Variants in TBC1D32 observed in about 807,000 individuals in gnomAD.
The protein encoded by TBC1D32 is protein broad-minded.
A neutral mutation model predicts 170.3 loss-of-function variants in TBC1D32; 151 were observed. That is an observed-to-expected ratio of 0.89 (90% CI 0.78 to 1.01). The LOEUF (loss-of-function observed/expected upper bound fraction) is 1.01, where lower values mean the gene tolerates loss of function less well. Ranked by LOEUF, TBC1D32 falls within the 50% of genes least tolerant of loss-of-function variation. TBC1D32 has a pLI of 0.00. For missense variants in TBC1D32, 1,464 were observed against 1,457.1 expected (o/e 1.00, Z -0.08); for synonymous variants, 498 against 488.0 (o/e 1.02, Z -0.27).
At chr6:121,170,250 G>A (rs989593516) in intron 22 of TBC1D32, among the ~76,000 whole-genome samples, 3 of 151,868 alleles carry the variant, frequency 2.0e-5, no homozygotes, top group Admixed American at 2.0e-4. Flanking sequence ...ATCTTTCTGT[G>A]ACATTTACAC....
intron 30 of TBC1D32, among the ~76,000 whole-genome samples, chr6:121,098,372 A>C (rs1470774213): frequency 1.3e-5 from 2 of 151,948 alleles, no homozygotes; most frequent in Non-Finnish European, 2.9e-5. Flanking sequence ...ATCATAGAAG[A>C]AGTACCAGTA....
At chr6:121,117,562 C>T (rs1216865388) in intron 26 of TBC1D32, among the ~76,000 whole-genome samples, 1 of 151,856 alleles carries the variant, frequency 6.6e-6, no homozygotes, top group Non-Finnish European at 1.5e-5. Flanking sequence ...ATTAGCCAGG[C>T]GTGGTGGCAC....
chr6:121,152,636 C>G (rs1200249374), intron 24 of TBC1D32, among the ~76,000 whole-genome samples: 1 of 152,140 alleles, frequency 6.6e-6, no homozygotes, highest in African/African-American at 2.4e-5. Flanking sequence ...TTCAGGTACA[C>G]CAATCAAATG....
chr6:121,129,851 G>A, intron 25 of TBC1D32: 1 of 426,888 alleles, frequency 2.3e-6, no homozygotes, highest in South Asian at 1.7e-5. Flanking sequence ...AAAAGAGAAA[G>A]CAACAGGAAG....
intron 22 of TBC1D32, among the ~76,000 whole-genome samples, chr6:121,183,447 C>A (rs1174510187): frequency 6.6e-6 from 1 of 152,076 alleles, no homozygotes; most frequent in Non-Finnish European, 1.5e-5. Flanking sequence ...TATCTAGACT[C>A]TTCTGGTAAG....
chr6:121,125,320 G>T (rs1470063338), intron 26 of TBC1D32, among the ~76,000 whole-genome samples: 2 of 152,150 alleles, frequency 1.3e-5, no homozygotes, highest in African/African-American at 4.8e-5. Flanking sequence ...ACATGGGGAA[G>T]ATCCAAAGAG....
intron 21 of TBC1D32, among the ~76,000 whole-genome samples, chr6:121,212,009 A>G (rs1793132662): frequency 2.0e-5 from 3 of 151,892 alleles, no homozygotes; most frequent in Admixed American, 1.3e-4. Flanking sequence ...ACACACACAC[A>G]CACACACACA....
chr6:121,116,428 A>G (rs1779691555), intron 26 of TBC1D32, among the ~76,000 whole-genome samples: 1 of 152,212 alleles, frequency 6.6e-6, no homozygotes, highest in Admixed American at 6.5e-5. Flanking sequence ...TGATACAGAT[A>G]AAGTGTTACA....
At chr6:121,083,916 CT>C (rs1386913233) in intron 31 of TBC1D32, among the ~76,000 whole-genome samples, 1 of 152,122 alleles carries the variant, frequency 6.6e-6, no homozygotes, top group African/African-American at 2.4e-5. Context: ...CCTGTCTCAT[CT>C]CTTACCTTTC....
intron 20 of TBC1D32, among the ~76,000 whole-genome samples, chr6:121,225,226 A>G (rs950699884): frequency 6.6e-6 from 1 of 152,082 alleles, no homozygotes; most frequent in African/African-American, 2.4e-5. Flanking sequence ...TGATTAATAG[A>G]ACAGATTTCA....
intron 25 of TBC1D32, among the ~76,000 whole-genome samples, chr6:121,131,400 C>T (rs1781422334): frequency 2.0e-5 from 3 of 151,198 alleles, no homozygotes; most frequent in Admixed American, 1.3e-4. Context: ...TCTAGTTTTG[C>T]TCACCAAGAC....
intron 22 of TBC1D32, among the ~76,000 whole-genome samples, chr6:121,193,514 G>C (rs2128289981): frequency 6.6e-6 from 1 of 152,334 alleles, no homozygotes; most frequent in East Asian, 1.9e-4. Flanking sequence ...AGGTCTAACA[G>C]TGGGAACTGA....
At chr6:121,127,950 C>T (rs2128214076) in intron 25 of TBC1D32, among the ~76,000 whole-genome samples, 1 of 152,214 alleles carries the variant, frequency 6.6e-6, no homozygotes. Flanking sequence ...AATCCTGTGC[C>T]TGAGATTAGG....
At chr6:121,250,633 CTGAATGGG>C (rs750363799) in intron 17 of TBC1D32, among the ~76,000 whole-genome samples, 43 of 152,106 alleles carry the variant, frequency 2.8e-4, no homozygotes, top group Non-Finnish European at 2.1e-4. Flanking sequence ...CAAGATCATA[CTGAATGGG>C]CAAAAACTGG....
At chr6:121,289,326 T>C (rs1374008330) in intron 12 of TBC1D32, among the ~76,000 whole-genome samples, 1 of 152,098 alleles carries the variant, frequency 6.6e-6, no homozygotes, top group Non-Finnish European at 1.5e-5. Flanking sequence ...ACAAAATCAA[T>C]GTACAAAAAT....
chr6:121,125,890 A>G (rs1582875176), intron 26 of TBC1D32, among the ~76,000 whole-genome samples: 1 of 152,140 alleles, frequency 6.6e-6, no homozygotes, highest in East Asian at 1.9e-4. Flanking sequence ...TGCCCATCAC[A>G]CCGACCCAGA....
chr6:121,233,807 C>T (rs1796029135), intron 20 of TBC1D32, among the ~76,000 whole-genome samples: 1 of 152,052 alleles, frequency 6.6e-6, no homozygotes, highest in South Asian at 2.1e-4. Flanking sequence ...TAGATAGGTG[C>T]TGTGAGATTT....
At chr6:121,252,167 A>G (rs182794826) in intron 17 of TBC1D32, among the ~76,000 whole-genome samples, 160 of 152,294 alleles carry the variant, frequency 1.1e-3, no homozygotes, top group African/African-American at 3.3e-3. Flanking sequence ...CAGTGTGACG[A>G]TTCCTCAAGA....
chr6:121,116,737 G>A (rs1339227616), intron 26 of TBC1D32, among the ~76,000 whole-genome samples: 1 of 152,178 alleles, frequency 6.6e-6, no homozygotes, highest in African/African-American at 2.4e-5. Flanking sequence ...GAGAGGAGTT[G>A]TCCAAAGGAA....
Sources: allele counts gnomAD v4.1 joint callset (sites outside exome capture counted in the v4.1 genomes callset), GRCh38; gene constraint gnomAD v4.1.1; transcripts MANE v1.5; gene names NCBI Gene and HGNC (gene_info 2026-07-23, HGNC 2026-07-21).